CCNC: variants seen among roughly 807,000 people sequenced by gnomAD.
CCNC encodes the protein cyclin-C.
A neutral mutation model predicts 50.0 loss-of-function variants in CCNC; 19 were observed. The ratio of observed to expected loss-of-function variants is 0.38; its 90% CI spans 0.27 to 0.56. The LOEUF (loss-of-function observed/expected upper bound fraction) is 0.56. Ranked by LOEUF, CCNC falls within the 20% of genes least tolerant of loss-of-function variation. The pLI is 0.72. For synonymous variants in CCNC, 93 were observed against 103.7 expected, an observed-to-expected ratio of 0.90 and a Z score of 0.63; for missense variants, 200 against 327.1, an observed-to-expected ratio of 0.61 and a Z score of 3.00.
At chr6:99,548,689 C>A (rs1478553474) in intron 9 of CCNC, among the ~76,000 whole-genome samples, 67 of 151,646 alleles carry the variant, frequency 4.4e-4, no homozygotes, top group Non-Finnish European at 1.3e-4. Context: ...GTGGTGGACA[C>A]CTATAATCCT....
intron 5 of CCNC, among the ~76,000 whole-genome samples, chr6:99,554,973 C>T (rs1238661513): frequency 3.3e-5 from 5 of 152,148 alleles, no homozygotes; most frequent in South Asian, 2.1e-4. Context: ...TTAAGGTACA[C>T]GAGTTCATGC....
intron 1 of CCNC, among the ~76,000 whole-genome samples, chr6:99,565,529 G>C (rs184427132): frequency 1.1e-3 from 171 of 151,886 alleles, no homozygotes; most frequent in African/African-American, 3.9e-3. Flanking sequence ...TCCACGTATT[G>C]ATAATTTTGT....
chr6:99,549,332 A>C (rs1392055396), intron 9 of CCNC, 176 bp downstream of exon 9: 2 of 670,206 alleles, frequency 3.0e-6, no homozygotes, highest in Non-Finnish European at 5.3e-6. Context: ...GTGGGGGAAT[A>C]ATAATCCTGA....
chr6:99,544,827 T>G (rs992297826), intron 11 of CCNC, among the ~76,000 whole-genome samples: 1 of 151,940 alleles, frequency 6.6e-6, no homozygotes, highest in Non-Finnish European at 1.5e-5. Context: ...GAATTTCAGA[T>G]GAACTTACCT....
chr6:99,549,673 A>G, intron 8 of CCNC, 98 bp from the exon 9 acceptor site: 1 of 751,386 alleles, frequency 1.3e-6, no homozygotes, highest in Non-Finnish European at 2.3e-6. Context: ...CTTTGCACAC[A>G]TTTATTTCCT....
intron 4 of CCNC, among the ~76,000 whole-genome samples, chr6:99,559,191 TAA>T (rs769090651): frequency 1.7e-5 from 2 of 119,382 alleles, no homozygotes; most frequent in Admixed American, 8.3e-5. Context: ...CCAAAAGAAC[TAA>T]AAAAAAAAAA....
At chr6:99,544,746 A>G (rs1379035683) in intron 11 of CCNC, among the ~76,000 whole-genome samples, 181 of 18,376 alleles carry the variant, frequency 9.8e-3, no homozygotes, top group African/African-American at 0.049. Context: ...GCCAGCAGTG[A>G]AAAAAAAAAA....
intron 4 of CCNC, among the ~76,000 whole-genome samples, chr6:99,560,087 T>TA (rs1802713655): frequency 6.6e-6 from 1 of 152,196 alleles, no homozygotes; most frequent in Admixed American, 6.5e-5. Flanking sequence ...CACAGAGTTC[T>TA]ACTCAGTAAA....
Position 99,550,298 on chromosome 6 carries a change from C to T in CCNC, c.450G>A (p.Leu150=). The T allele has an allele frequency of 6.2e-7, 1 of 1,608,698 alleles. No homozygotes were observed. The highest frequency in any genetic ancestry group is 8.5e-7 in the Non-Finnish European group (1 of 1,177,202). Residue 150 remains leucine (L), a synonymous_variant, in exon 8 of 12, where the codon TTG becomes TTA. Coordinates refer to ENST00000520429, the MANE Select transcript of CCNC (RefSeq NM_005190.4). The part of the protein sequence containing the change: ...FYLLELMDCC[L]IVYHPYRPLL... ...AAGGTCTATAAGGATGATACACTAT[C>T]AAGCAACAATCCTAGAAACAGTTTA...
At chr6:99,567,820 CAAG>C (rs552976777) in intron 1 of CCNC, among the ~76,000 whole-genome samples, 392 of 152,164 alleles carry the variant, frequency 2.6e-3, no homozygotes, top group Admixed American at 6.0e-3. Context: ...CTGACAGAAA[CAAG>C]AACTTATTCA....
At chr6:99,561,884 A>G in intron 2 of CCNC, 1 of 318,218 alleles carries the variant, frequency 3.1e-6, no homozygotes, top group East Asian at 4.9e-5. Context: ...TGCATAAACA[A>G]CAACAAAACA....
intron 1 of CCNC, among the ~76,000 whole-genome samples, chr6:99,567,897 T>C (rs1038622940): frequency 1.3e-5 from 2 of 152,110 alleles, no homozygotes; most frequent in Admixed American, 1.3e-4. Context: ...AAACAAAATA[T>C]AAAGCACAGG....
In CCNC at chr6:99,553,235, G is replaced by A. The variant is rs200174096; in HGVS notation, c.347-1340C>T. ...TCTCTCCTTTATTTAAATTTAAGAC[G>A]TACCTATTAAGGTTTCTGAGTTTTA... On this transcript the variant is annotated intron_variant, in intron 5 of 11. Coordinates refer to ENST00000520429, the MANE Select transcript of CCNC (RefSeq NM_005190.4). Among the ~76,000 whole-genome samples the A allele has an allele frequency of 1.7e-4, 26 of 151,788 alleles. No homozygotes were observed. The East Asian group carries it at 3.9e-3, about 23-fold the overall frequency.
At chr6:99,544,093 G>A in intron 11 of CCNC, 1 of 1,387,404 alleles carries the variant, frequency 7.2e-7, no homozygotes. Flanking sequence ...TTATAAGTCA[G>A]CAAGAAATAT....
In CCNC at chr6:99,547,313, A is replaced by C. The variant is rs1007215367; in HGVS notation, c.599-839T>G. 2.6e-5 allele frequency among the ~76,000 whole-genome samples: 4 copies of C among 152,268 alleles called. No individual in the cohort carries two copies. In the East Asian group the frequency reaches 7.7e-4, roughly 29 times the overall value. The stretch of plus-strand genomic sequence containing the variant: ...TTAGGTCAAGAAGAGGTTAAAAAAA[A>C]CCAAATGACTGACATGATAAAAACA... On this transcript the variant is annotated intron_variant, in intron 9 of 11. Transcript: ENST00000520429.
chr6:99,545,125 GT>G lies in CCNC; in HGVS notation c.783del (p.Lys261AsnfsTer31). The G allele has an allele frequency of 6.3e-7, 1 of 1,575,066 alleles. No homozygotes were observed. Among genetic ancestry groups the G allele is most frequent in the Non-Finnish European group, 8.7e-7 (1 of 1,144,760 alleles). The part of the protein sequence containing the change: ...ATILSKMPKP[K>X]PPPNSEGEQG... ...TCTACAAAGTACCTGTTTGGAGGTGGTTTTGGTTTTGGCATCTTACTAAGAA... is the reference window on the plus strand; with the variant it reads ...TCTACAAAGTACCTGTTTGGAGGTGGTTTGGTTTTGGCATCTTACTAAGAA... On this transcript the variant is annotated frameshift_variant, in exon 11 of 12. Transcript: ENST00000520429. LOFTEE classifies it high-confidence loss of function.
chr6:99,555,491 G>A (rs1200321666), intron 5 of CCNC, among the ~76,000 whole-genome samples: 3 of 151,834 alleles, frequency 2.0e-5, no homozygotes, highest in East Asian at 3.9e-4. Flanking sequence ...AGGCTGGAGT[G>A]CAGTGGCATA....
rs947661598 is a variant in CCNC, at chr6:99,543,952, A to G, written c.798-343T>C. 13 of 1,232,466 alleles carry G rather than the reference A, an allele frequency of 1.1e-5. No individual in the cohort carries two copies. The East Asian group carries it at 2.3e-4, about 22-fold the overall frequency. 76.3% of individuals were successfully genotyped at this position (1,232,466 alleles called of 1,614,324 possible). ...AGCTTCTTCTAAACAAATTTCCTAT[A>G]AAATTAAATCTTACATATAAAATCC... On this transcript the variant is annotated intron_variant, in intron 11 of 11. Transcript: ENST00000520429.
chr6:99,552,942 C>T (rs1014180049), intron 5 of CCNC, among the ~76,000 whole-genome samples: 1 of 151,498 alleles, frequency 6.6e-6, no homozygotes, highest in African/African-American at 2.4e-5. Flanking sequence ...CTCGGGAGGC[C>T]GAGGCAGGAG....
Sources: allele counts gnomAD v4.1 joint callset (sites outside exome capture counted in the v4.1 genomes callset), GRCh38; gene constraint gnomAD v4.1.1; transcripts MANE v1.5; gene names NCBI Gene and HGNC (gene_info 2026-07-23, HGNC 2026-07-21).